The following PTPRF variants were observed in gnomAD, a reference collection of about 807,000 sequenced individuals.
PTPRF encodes the protein receptor-type tyrosine-protein phosphatase F.
Under a neutral mutation model 201.8 loss-of-function variants are expected in PTPRF, and 59 were observed. That is an observed-to-expected ratio of 0.29 (90% confidence interval 0.24 to 0.36). The LOEUF is 0.36. PTPRF is among the 10% of genes least tolerant of loss of function. The probability of loss-of-function intolerance (pLI) is 1.00; values close to 1 mark genes in which losing one functional copy is unlikely to be tolerated. For missense variants in PTPRF, 2,132 were observed against 2,690.5 expected, an observed-to-expected ratio of 0.79 and a Z score of 4.59; for synonymous variants, 1,088 against 1,089.7, an observed-to-expected ratio of 1.00 and a Z score of 0.03.
At chr1:43,620,296 T>C (rs913714406) in intron 30 of PTPRF, 75 bp downstream of exon 30, 20 of 1,582,148 alleles carry the variant, frequency 1.3e-5, no homozygotes, top group Non-Finnish European at 1.5e-5. Context: ...AGCTGCCGCC[T>C]ATGTTACTGT....
rs781399271 is a variant in PTPRF at position 43,605,570 on chromosome 1, G to A, written c.3431G>A (p.Gly1144Glu). 48 of 1,614,144 alleles carry A rather than the reference G, an allele frequency of 3.0e-5. No homozygotes were observed. Among genetic ancestry groups the A allele is most frequent in the Non-Finnish European group, 4.1e-5 (48 of 1,180,004 alleles). Residue 1144 changes from glycine (G) to glutamate (E), a missense_variant, in exon 19 of 34, where the codon GGG (glycine) becomes GAG (glutamate). Gly to Glu is a moderately conservative substitution (Grantham distance 98). Coordinates refer to ENST00000359947, the MANE Select transcript of PTPRF (RefSeq NM_002840.5). ...IVVVPIDRVGGSMLTPRWSTP... is the reference protein window; with the variant it reads ...IVVVPIDRVGESMLTPRWSTP... ...GTGGTGCCCATTGACCGTGTGGGCG[G>A]GAGCATGCTGACGCCAAGGTGGAGC...
At chr1:43,614,796 G>A (rs1488410408) in intron 23 of PTPRF, among the ~76,000 whole-genome samples, 2 of 152,114 alleles carry the variant, frequency 1.3e-5, no homozygotes, top group African/African-American at 2.4e-5. Flanking sequence ...AGGTTGCGTT[G>A]AGCCAAGGTC....
chr1:43,569,227 C>A (rs1029428495), intron 5 of PTPRF, among the ~76,000 whole-genome samples: 3 of 142,020 alleles, frequency 2.1e-5, no homozygotes, highest in Admixed American at 6.9e-5. Flanking sequence ...TAGCCCCCCC[C>A]CCCACCCCCT....
chr1:43,540,137 G>A (rs1447704533), intron 2 of PTPRF, among the ~76,000 whole-genome samples: 3 of 152,150 alleles, frequency 2.0e-5, no homozygotes, highest in Non-Finnish European at 4.4e-5. Flanking sequence ...TTATTGTAGG[G>A]TGTCTAGCAG....
chr1:43,608,783 C>A (rs190159566), intron 21 of PTPRF, among the ~76,000 whole-genome samples: 1 of 152,200 alleles, frequency 6.6e-6, no homozygotes, highest in African/African-American at 2.4e-5. Context: ...GAAGCACATG[C>A]GTCTGCAGAC....
chr1:43,539,160 G>A (rs74071948), intron 2 of PTPRF, among the ~76,000 whole-genome samples: 1,841 of 152,310 alleles, frequency 0.012, 42 homozygotes, highest in African/African-American at 0.041. Flanking sequence ...AAGGCAGGAA[G>A]CCCACCAAAG....
Position 43,604,950 on chromosome 1 carries a change from C to G in PTPRF, c.3085C>G (p.Leu1029Val). The change falls in exon 17 of 34, where the codon CTG (leucine) becomes GTG (valine). Residue 1029 changes from leucine (L) to valine (V), a missense_variant. Coordinates refer to ENST00000359947, the MANE Select transcript of PTPRF (RefSeq NM_002840.5). ...RVAAAMKTSVLLSWEVPDSYK... is the reference protein window; with the variant it reads ...RVAAAMKTSVVLSWEVPDSYK... The stretch of plus-strand genomic sequence containing the variant: ...GGCGGCTGCAATGAAGACGTCTGTG[C>G]TGCTCAGCTGGGAGGTTCCCGACTC... 6.2e-7 allele frequency: 1 copy of G among 1,614,180 alleles called. No homozygotes were observed. The highest frequency in any genetic ancestry group is 8.5e-7 in the Non-Finnish European group (1 of 1,180,046).
At chr1:43,581,368 C>T (rs76001904) in intron 7 of PTPRF, among the ~76,000 whole-genome samples, 254 of 152,316 alleles carry the variant, frequency 1.7e-3, no homozygotes, top group African/African-American at 5.7e-3. Context: ...CACACACATA[C>T]GACGTTCCTC....
rs772660911 is a variant in PTPRF, at chr1:43,553,958, C to A, written c.379+17C>A. ...TGCTCGAAGGTACGTGCTAGGGAGA[C>A]GTGGCACGGTGGGCTGCCGGGCTGA... On this transcript the variant is annotated intron_variant, in intron 5 of 33. Coordinates refer to ENST00000359947, the MANE Select transcript of PTPRF (RefSeq NM_002840.5). This position sits in a 1 kb window ranked among gnomAD's most constrained non-coding sequence, Gnocchi z 4.1. 2 of 1,612,618 alleles carry A rather than the reference C, an allele frequency of 1.2e-6. No individual in the cohort carries two copies. The highest frequency in any genetic ancestry group is 2.2e-5 in the South Asian group (2 of 90,998).
chr1:43,599,684 T>C (rs1296922260), intron 13 of PTPRF, among the ~76,000 whole-genome samples: 2 of 152,166 alleles, frequency 1.3e-5, no homozygotes, highest in Admixed American at 6.5e-5. Flanking sequence ...GTGAGGTCCC[T>C]GGGGTATTCT....
In PTPRF at chr1:43,546,791, G is replaced by A. The variant is rs1040190453; in HGVS notation, c.91+1625G>A. 2.6e-5 allele frequency among the ~76,000 whole-genome samples: 4 copies of A among 151,868 alleles called. No individual in the cohort carries two copies. Among genetic ancestry groups the A allele is most frequent in the African/African-American group, 4.8e-5 (2 of 41,326 alleles). On this transcript the variant is annotated intron_variant, in intron 3 of 33. Coordinates refer to ENST00000359947, the MANE Select transcript of PTPRF (RefSeq NM_002840.5). This position sits in a 1 kb window ranked among gnomAD's most constrained non-coding sequence, Gnocchi z 4.2. ...CCGTGAAAGGCATTACCACCCACCC[G>A]GTCACCCAAGTCAGAACCTGGGCCT...
At chr1:43,522,522 G>A (rs919860990), upstream of PTPRF, among the ~76,000 whole-genome samples, 9 of 152,198 alleles carry the variant, frequency 5.9e-5, no homozygotes, top group Admixed American at 1.3e-4. Flanking sequence ...TTGAGTGAAT[G>A]ACATGGATGA....
At chr1:43,607,627 T>C (rs186940253) in intron 21 of PTPRF, among the ~76,000 whole-genome samples, 1 of 152,374 alleles carries the variant, frequency 6.6e-6, no homozygotes, top group East Asian at 1.9e-4. Flanking sequence ...TTTTGATGGC[T>C]GCCCACGTAA....
At chr1:43,576,268 A>G (rs1646922795) in intron 6 of PTPRF, among the ~76,000 whole-genome samples, 1 of 152,258 alleles carries the variant, frequency 6.6e-6, no homozygotes, top group Non-Finnish European at 1.5e-5. Context: ...TTCCCTAGAC[A>G]GAAGAGCTTC....
chr1:43,590,968 C>T lies in PTPRF; in HGVS notation c.950-4C>T. 6.2e-7 allele frequency: 1 copy of T among 1,601,208 alleles called. No homozygotes were observed. Among genetic ancestry groups the T allele is most frequent in the Non-Finnish European group, 8.5e-7 (1 of 1,170,094 alleles). On this transcript the variant is annotated splice_polypyrimidine_tract_variant and splice_region_variant and intron_variant, in intron 8 of 33. Coordinates refer to ENST00000359947, the MANE Select transcript of PTPRF (RefSeq NM_002840.5). ...CAGCTTTGAGCCTTCCACTTTGTCT[C>T]CAGCTCTTCCAAAGCCTCCGATTGA...
chr1:43,591,595 G>A (rs765292339), intron 9 of PTPRF, 42 bp downstream of exon 9: 2 of 1,513,118 alleles, frequency 1.3e-6, no homozygotes, highest in Non-Finnish European at 1.8e-6. Context: ...CAGCAGAGAA[G>A]GGGAGGCTGA....
Position 43,542,336 on chromosome 1 carries a change from T to A in PTPRF, c.-45-2695T>A, listed in dbSNP as rs1048559673. 6.6e-6 allele frequency among the ~76,000 whole-genome samples: 1 copy of A among 152,152 alleles called. No homozygotes were observed. The highest frequency in any genetic ancestry group is 1.5e-5 in the Non-Finnish European group (1 of 68,008). Reference sequence around the variant, plus strand: ...CAGAGTAGTTGCCTGAGAATGTGTTTGTGTGTGTCCCTTGTGTTTCCCCAT... The same window carrying A: ...CAGAGTAGTTGCCTGAGAATGTGTTAGTGTGTGTCCCTTGTGTTTCCCCAT... On this transcript the variant is annotated intron_variant, in intron 2 of 33. Transcript: ENST00000359947. This position sits in a 1 kb window ranked among gnomAD's most constrained non-coding sequence, Gnocchi z 5.2.
In PTPRF at chr1:43,596,034, C is replaced by T. The variant is rs551936920; in HGVS notation, c.1814-1714C>T. On this transcript the variant is annotated intron_variant, in intron 11 of 33. Coordinates refer to ENST00000359947, the MANE Select transcript of PTPRF (RefSeq NM_002840.5). ...GAAGGAGGGGGAGAGCTGGATTCAT[C>T]TAGGGCTTGGCAGCGGCCAGGAAGG... is the stretch of plus-strand genomic sequence containing the variant. 5.9e-5 allele frequency among the ~76,000 whole-genome samples: 9 copies of T among 152,228 alleles called. No individual in the cohort carries two copies. In the South Asian group the frequency reaches 1.7e-3, roughly 28 times the overall value.
rs747144420 is a variant in PTPRF at position 43,578,791 on chromosome 1, T to C, written c.569-19T>C. 2 of 1,599,406 alleles carry C rather than the reference T, an allele frequency of 1.3e-6. No homozygotes were observed. The highest frequency in any genetic ancestry group is 1.1e-5 in the South Asian group (1 of 89,934). On this transcript the variant is annotated intron_variant, in intron 6 of 33. Transcript: ENST00000359947. ...CTCGACATGGGCCGTGCCTGACCTC[T>C]CGCTTCGTGTACCCACAGGTGCCTT... is the stretch of plus-strand genomic sequence containing the variant.
Sources: allele counts gnomAD v4.1 joint callset (sites outside exome capture counted in the v4.1 genomes callset), GRCh38; gene constraint gnomAD v4.1.1; non-coding constraint Gnocchi (gnomAD v3.1); transcripts MANE v1.5; gene names NCBI Gene and HGNC (gene_info 2026-07-23, HGNC 2026-07-21).